Variants in ERC1 observed in about 807,000 individuals in gnomAD.
ERC1 encodes the protein ELKS/RAB6-interacting/CAST family member 1.
Under a neutral mutation model 132.0 loss-of-function variants are expected in ERC1, and 56 were observed. The ratio of observed to expected loss-of-function variants is 0.42; its 90% confidence interval spans 0.34 to 0.53. The LOEUF is 0.53. Among genes scored for constraint, ERC1 ranks in the 20% least tolerant of loss-of-function variants. The probability of loss-of-function intolerance (pLI) is 0.03; values close to 1 mark genes in which losing one functional copy is unlikely to be tolerated. For synonymous variants in ERC1, 478 were observed against 476.1 expected, an observed-to-expected ratio of 1.00 and a Z score of -0.05; for missense variants, 1,202 against 1,349.9, an observed-to-expected ratio of 0.89 and a Z score of 1.72.
chr12:1,051,219 C>T (rs1374933382), intron 2 of ERC1, among the ~76,000 whole-genome samples: 2 of 152,220 alleles, frequency 1.3e-5, no homozygotes, highest in East Asian at 1.9e-4. Flanking sequence ...CCCCATCCCC[C>T]GATTTAATTG....
intron 8 of ERC1, among the ~76,000 whole-genome samples, chr12:1,147,777 C>T (rs1950513314): frequency 6.6e-6 from 1 of 152,146 alleles, no homozygotes; most frequent in East Asian, 1.9e-4. Flanking sequence ...GTGCAAGTTT[C>T]TGAAGGCATC....
intron 7 of ERC1, among the ~76,000 whole-genome samples, chr12:1,119,819 G>A (rs757789199): frequency 6.6e-6 from 1 of 151,752 alleles, no homozygotes; most frequent in Non-Finnish European, 1.5e-5. Context: ...CAAAGTGCTG[G>A]GATTACAGGT....
chr12:1,266,228 C>T (rs1052163386), intron 14 of ERC1, among the ~76,000 whole-genome samples: 1 of 152,006 alleles, frequency 6.6e-6, no homozygotes, highest in Non-Finnish European at 1.5e-5. Flanking sequence ...CACTGCCTAT[C>T]TGAAGCTGTT....
chr12:1,189,844 T>A lies in ERC1; in HGVS notation c.2158-15T>A, dbSNP rs773419926. ...CTGTGTGTATCTGATAGGATTGAAA[T>A]GCTTTTCTTTGTAGGCACATGAGGC... On this transcript the variant is annotated splice_polypyrimidine_tract_variant and intron_variant, in intron 11 of 18. Coordinates refer to ENST00000360905, the MANE Select transcript of ERC1 (RefSeq NM_178040.4). 6.3e-7 allele frequency: 1 copy of A among 1,581,252 alleles called. No individual in the cohort carries two copies. The highest frequency in any genetic ancestry group is 1.1e-5 in the South Asian group (1 of 87,154).
chr12:1,373,001 G>C (rs1591598959), intron 16 of ERC1, among the ~76,000 whole-genome samples: 1 of 152,198 alleles, frequency 6.6e-6, no homozygotes, highest in African/African-American at 2.4e-5. Context: ...TGCACACTTT[G>C]CTGAGAAAAT....
chr12:1,226,005 A>G (rs987492724), intron 12 of ERC1, among the ~76,000 whole-genome samples: 8 of 152,224 alleles, frequency 5.3e-5, no homozygotes, highest in Non-Finnish European at 8.8e-5. Context: ...TGCTTTTTCC[A>G]TTAGTTAATA....
rs570840952 is a variant in ERC1, at chr12:1,392,023, A to T, written c.2926-16126A>T. Among the ~76,000 whole-genome samples the T allele has an allele frequency of 7.2e-5, 11 of 152,276 alleles. No individual in the cohort carries two copies. The East Asian group carries it at 1.2e-3, about 16-fold the overall frequency. On this transcript the variant is annotated intron_variant, in intron 16 of 18. Coordinates refer to ENST00000360905, the MANE Select transcript of ERC1 (RefSeq NM_178040.4). The stretch of plus-strand genomic sequence containing the variant: ...ATACTTAGTGTGCTGGAGAAAAAAA[A>T]ATATTCCTGATACTTCTTAAAGACA...
At chr12:1,184,958 T>G (rs1271418173) in intron 11 of ERC1, among the ~76,000 whole-genome samples, 1 of 152,150 alleles carries the variant, frequency 6.6e-6, no homozygotes, top group Non-Finnish European at 1.5e-5. Context: ...TCGCCCAGGT[T>G]GGAGTGCAGT....
At chr12:1,174,375 A>G (rs1008633758) in intron 8 of ERC1, among the ~76,000 whole-genome samples, 2 of 152,218 alleles carry the variant, frequency 1.3e-5, no homozygotes, top group Non-Finnish European at 2.9e-5. Context: ...TAAGAGTCTG[A>G]GAATAGCCAT....
chr12:1,411,846 G>A (rs780033337), intron 17 of ERC1, among the ~76,000 whole-genome samples: 5 of 152,306 alleles, frequency 3.3e-5, no homozygotes, highest in Middle Eastern at 6.8e-3. Flanking sequence ...ATCAGAGGAA[G>A]CCTGTTGGTA....
chr12:1,471,559 A>G (rs1222919220), intron 18 of ERC1, among the ~76,000 whole-genome samples: 2 of 152,262 alleles, frequency 1.3e-5, no homozygotes, highest in Non-Finnish European at 2.9e-5. Flanking sequence ...GCGTGGTTCC[A>G]GCTCCTGCTG....
At chr12:1,255,621 C>CTTTTCTTTT (rs1566399460) in intron 13 of ERC1, among the ~76,000 whole-genome samples, 3 of 61,558 alleles carry the variant, frequency 4.9e-5, no homozygotes, top group African/African-American at 1.8e-4. Context: ...GCTTCCTGGC[C>CTTTTCTTTT]TTTTTTTTTT....
chr12:1,483,667 G>GTTTTTTTTTTTTTT (rs1257983853), intron 18 of ERC1, among the ~76,000 whole-genome samples: 1 of 75,142 alleles, frequency 1.3e-5, no homozygotes, highest in African/African-American at 4.0e-5. Flanking sequence ...GCCACTGAGA[G>GTTTTTTTTTTTTTT]CTTTTTTTTT....
intron 16 of ERC1, among the ~76,000 whole-genome samples, chr12:1,375,914 T>A (rs528148225): frequency 4.6e-5 from 7 of 152,134 alleles, no homozygotes; most frequent in African/African-American, 1.4e-4. Flanking sequence ...TTTTTTGTAT[T>A]TTTAGTAGAG....
intron 2 of ERC1, among the ~76,000 whole-genome samples, chr12:1,045,537 T>G (rs1025270073): frequency 2.5e-4 from 38 of 152,226 alleles, no homozygotes; most frequent in Middle Eastern, 3.4e-3. Context: ...TTCATATACA[T>G]TGCTTCTAAT....
chr12:1,290,982 A>G (rs1315419276), intron 15 of ERC1, among the ~76,000 whole-genome samples: 1 of 152,170 alleles, frequency 6.6e-6, no homozygotes, highest in Non-Finnish European at 1.5e-5. Flanking sequence ...TTGGCCTAAA[A>G]TAAAATTTTT....
At chr12:1,296,260 T>G (rs1459638834) in intron 15 of ERC1, among the ~76,000 whole-genome samples, 1 of 151,956 alleles carries the variant, frequency 6.6e-6, no homozygotes, top group Non-Finnish European at 1.5e-5. Flanking sequence ...CCTGGGAGAT[T>G]GAGGCTGCAG....
At chr12:1,295,495 G>A (rs1438886278) in intron 15 of ERC1, among the ~76,000 whole-genome samples, 1 of 152,112 alleles carries the variant, frequency 6.6e-6, no homozygotes, top group East Asian at 1.9e-4. Context: ...GAATGAGAGT[G>A]GAATTGTAAT....
intron 7 of ERC1, among the ~76,000 whole-genome samples, chr12:1,138,887 G>A (rs1275865207): frequency 1.3e-5 from 2 of 152,290 alleles, no homozygotes; most frequent in South Asian, 2.1e-4. Flanking sequence ...CTGGAGGCAA[G>A]ACCACGTAAT....
Sources: allele counts gnomAD v4.1 joint callset (sites outside exome capture counted in the v4.1 genomes callset), GRCh38; gene constraint gnomAD v4.1.1; transcripts MANE v1.5; gene names NCBI Gene and HGNC (gene_info 2026-07-23, HGNC 2026-07-21).